The following TEX9 variants were observed in gnomAD, a reference collection of about 807,000 sequenced individuals.
TEX9 encodes testis-expressed protein 9.
In TEX9, 74 loss-of-function variants were observed where a neutral mutation model predicts 59.6. That is an observed-to-expected ratio of 1.24 (90% CI 1.03 to 1.51). The LOEUF (loss-of-function observed/expected upper bound fraction) is 1.51, where lower values mean the gene tolerates loss of function less well. Among genes scored for constraint, TEX9 ranks in the 40% most tolerant of loss-of-function variants. The pLI is 0.00. For synonymous variants in TEX9, 186 were observed against 152.2 expected (o/e 1.22, Z -1.64); for missense variants, 522 against 447.8 (o/e 1.17, Z -1.49).
Position 56,282,015 on chromosome 15 carries a change from T to C in TEX9, c.-107+37737T>C, listed in dbSNP as rs146897156. ...CTACCCCTTAAATGTTGATGTTCTA[T>C]CATTCTAAATGCTTCTTTCAAATAA... On this transcript the variant is annotated intron_variant, in intron 1 of 5. Transcript: ENST00000560827. Among the ~76,000 whole-genome samples, 271 of 152,310 alleles carry C rather than the reference T, an allele frequency of 1.8e-3. 1 individual carries two copies. The highest frequency in any genetic ancestry group is 6.2e-3 in the African/African-American group (257 of 41,570).
chr15:56,437,431 ACT>A (rs1420898532), intron 12 of TEX9, among the ~76,000 whole-genome samples: 1 of 152,032 alleles, frequency 6.6e-6, no homozygotes, highest in Non-Finnish European at 1.5e-5. Context: ...CTTGCTAAAA[ACT>A]CTCAATAAAT....
the TEX9 span, among the ~76,000 whole-genome samples, chr15:56,459,051 C>T: frequency 6.6e-6 from 1 of 152,158 alleles, no homozygotes; most frequent in Non-Finnish European, 1.5e-5. Flanking sequence ...AATGTCAACA[C>T]TCCAGAATGT....
intron 1 of TEX9, among the ~76,000 whole-genome samples, chr15:56,264,268 A>C (rs1596051046): frequency 6.6e-6 from 1 of 152,164 alleles, no homozygotes; most frequent in East Asian, 1.9e-4. Context: ...TTTGTTTGCC[A>C]TTCTAATAGG....
chr15:56,269,658 T>C lies in TEX9; in HGVS notation c.-107+25380T>C, dbSNP rs189861683. Among the ~76,000 whole-genome samples, 70 of 149,336 alleles carry C rather than the reference T, an allele frequency of 4.7e-4. 1 individual carries two copies. In the East Asian group the frequency reaches 7.8e-3, roughly 17 times the overall value. ...GAATGAGTTTCTTTTCTTTTCTTTTTTTTTTTTTTTTTGAGACGGAGTCTC... is the reference window on the plus strand; with the variant it reads ...GAATGAGTTTCTTTTCTTTTCTTTTCTTTTTTTTTTTTGAGACGGAGTCTC... On this transcript the variant is annotated intron_variant, in intron 1 of 5. Coordinates refer to the TEX9 transcript ENST00000560827.
intron 3 of TEX9, among the ~76,000 whole-genome samples, chr15:56,376,994 A>G (rs2047487521): frequency 6.6e-6 from 1 of 152,164 alleles, no homozygotes. Flanking sequence ...TCCCAGCACC[A>G]TTTATTGAAG....
At chr15:56,376,132 T>A (rs2047441292) in intron 3 of TEX9, among the ~76,000 whole-genome samples, 1 of 149,222 alleles carries the variant, frequency 6.7e-6, no homozygotes, top group South Asian at 2.2e-4. Flanking sequence ...AATGACGAGT[T>A]AATGGGTGCA....
intron 1 of TEX9, among the ~76,000 whole-genome samples, chr15:56,279,667 C>T (rs558488935): frequency 5.3e-5 from 8 of 152,126 alleles, no homozygotes; most frequent in Non-Finnish European, 8.8e-5. Context: ...ATAAAATCCT[C>T]TAAATAATTC....
In TEX9 at chr15:56,384,742, T is replaced by A. The variant is rs971336042; in HGVS notation, c.263+711T>A. ...GGAAAGATAAAGGATTAATATTATG[T>A]AGTGGCAATGAATTTAGTAAAACTA... On this transcript the variant is annotated intron_variant, in intron 4 of 12. Transcript: ENST00000352903. Among the ~76,000 whole-genome samples, 46 of 152,156 alleles carry A rather than the reference T, an allele frequency of 3.0e-4. 1 individual carries two copies. Among genetic ancestry groups the A allele is most frequent in the African/African-American group, 1.1e-3 (44 of 41,440 alleles).
At chr15:56,419,617 A>G (rs2049869086) in intron 10 of TEX9, among the ~76,000 whole-genome samples, 1 of 151,632 alleles carries the variant, frequency 6.6e-6, no homozygotes, top group Non-Finnish European at 1.5e-5. Flanking sequence ...TCTCTTTTAT[A>G]TATTATTGGT....
At chr15:56,415,320 T>C (rs2049620287) in intron 10 of TEX9, among the ~76,000 whole-genome samples, 1 of 152,018 alleles carries the variant, frequency 6.6e-6, no homozygotes, top group African/African-American at 2.4e-5. Context: ...CGTTCCTATG[T>C]CCAAAATGGT....
chr15:56,437,142 C>G (rs2050740152), intron 12 of TEX9, among the ~76,000 whole-genome samples: 1 of 152,150 alleles, frequency 6.6e-6, no homozygotes, highest in Non-Finnish European at 1.5e-5. Context: ...CGTCTGTCAT[C>G]CTGACAGAGA....
At position 56,312,941 on chromosome 15, in the gene TEX9, CTGTT is replaced by C. The variant is rs2045660028; in HGVS notation, c.-106-60496_-106-60493del. 2.3e-5 allele frequency among the ~76,000 whole-genome samples: 3 copies of C among 130,144 alleles called. No homozygotes were observed. The South Asian group carries it at 8.0e-4, about 35-fold the overall frequency. 85.4% of individuals were successfully genotyped at this position (130,144 alleles called of 152,430 possible). ...GGGAGTTCACTCATGATTTGGCTCT[CTGTT>C]TGTCTGTTGTTGGTGTATAAGTATG... On this transcript the variant is annotated intron_variant, in intron 1 of 5. Coordinates refer to the TEX9 transcript ENST00000560827.
the TEX9 span, among the ~76,000 whole-genome samples, chr15:56,458,228 G>C: frequency 1.1e-4 from 17 of 152,222 alleles, no homozygotes; most frequent in African/African-American, 3.6e-4. Flanking sequence ...TCACAATTCA[G>C]TGATGTTGTA....
intron 1 of TEX9, among the ~76,000 whole-genome samples, chr15:56,345,881 G>A (rs1419688199): frequency 6.6e-6 from 1 of 152,204 alleles, no homozygotes; most frequent in Non-Finnish European, 1.5e-5. Context: ...TGTTGTAGGA[G>A]CCAATGGATG....
chr15:56,293,536 T>C (rs2045146971), intron 1 of TEX9, among the ~76,000 whole-genome samples: 1 of 152,184 alleles, frequency 6.6e-6, no homozygotes, highest in Admixed American at 6.5e-5. Flanking sequence ...CTAATATAAA[T>C]TCTATTCTAG....
chr15:56,389,320 A>G, exon 6 of TEX9: 6 of 1,610,184 alleles, frequency 3.7e-6, no homozygotes, highest in Non-Finnish European at 5.1e-6. Flanking sequence ...TCATGTAGCC[A>G]AAGACCAAAA....
At chr15:56,269,761 C>G (rs2044480033) in intron 1 of TEX9, among the ~76,000 whole-genome samples, 1 of 150,338 alleles carries the variant, frequency 6.7e-6, no homozygotes, top group Admixed American at 6.7e-5. Flanking sequence ...TTACACCATT[C>G]TCCTGCCTCA....
At chr15:56,265,902 C>G (rs1258910668) in intron 1 of TEX9, among the ~76,000 whole-genome samples, 2 of 152,078 alleles carry the variant, frequency 1.3e-5, no homozygotes, top group Admixed American at 6.6e-5. Flanking sequence ...TTCATTCCTA[C>G]TGCTTTATTG....
chr15:56,246,469 C>T (rs1389649299), intron 1 of TEX9, among the ~76,000 whole-genome samples: 1 of 152,146 alleles, frequency 6.6e-6, no homozygotes, highest in Non-Finnish European at 1.5e-5. Flanking sequence ...AAAATCATGA[C>T]ATTAAGAAAT....
Sources: allele counts gnomAD v4.1 joint callset (sites outside exome capture counted in the v4.1 genomes callset), GRCh38; gene constraint gnomAD v4.1.1; transcripts MANE v1.5; gene names NCBI Gene and HGNC (gene_info 2026-07-23, HGNC 2026-07-21).